The following CTNNA3 variants were observed in gnomAD, a reference collection of about 807,000 sequenced individuals.
The protein encoded by CTNNA3 is catenin alpha-3.
CTNNA3 carries 76 observed loss-of-function variants against 95.7 expected under a neutral mutation model. The observed-to-expected ratio is 0.79, with a 90% CI of 0.66 to 0.96. The LOEUF (loss-of-function observed/expected upper bound fraction) is 0.96. Ranked by LOEUF, CTNNA3 falls within the 40% of genes least tolerant of loss-of-function variation. The pLI is 0.00. For missense variants in CTNNA3, 1,191 were observed against 1,089.8 expected (o/e 1.09, Z -1.31); for synonymous variants, 431 against 374.4 (o/e 1.15, Z -1.74).
chr10:66,772,356 C>T (rs1301644598), intron 8 of CTNNA3, among the ~76,000 whole-genome samples: 2 of 144,780 alleles, frequency 1.4e-5, no homozygotes, highest in African/African-American at 2.6e-5. Flanking sequence ...ACCTGGGAGG[C>T]GGAGGTTGCA....
intron 5 of CTNNA3, among the ~76,000 whole-genome samples, chr10:67,521,075 T>G (rs1170807550): frequency 6.6e-6 from 1 of 152,208 alleles, no homozygotes; most frequent in Non-Finnish European, 1.5e-5. Flanking sequence ...CTGGCTGTTC[T>G]GATCGGAATA....
intron 9 of CTNNA3, among the ~76,000 whole-genome samples, chr10:66,683,853 G>A (rs1239341298): frequency 6.6e-6 from 1 of 152,018 alleles, no homozygotes; most frequent in Non-Finnish European, 1.5e-5. Flanking sequence ...GGGGGATGTA[G>A]GATACCCCAA....
intron 11 of CTNNA3, among the ~76,000 whole-genome samples, chr10:66,487,987 T>C (rs1336704334): frequency 2.0e-5 from 3 of 152,164 alleles, no homozygotes; most frequent in African/African-American, 7.2e-5. Flanking sequence ...TTTGTGTATA[T>C]GGGTAGAAAA....
At chr10:66,411,310 G>C (rs1008248240) in intron 11 of CTNNA3, among the ~76,000 whole-genome samples, 7 of 151,920 alleles carry the variant, frequency 4.6e-5, no homozygotes, top group Admixed American at 1.3e-4. Context: ...TTATCTAAAT[G>C]CTTACTGTAA....
At chr10:66,613,264 C>A (rs535903052) in intron 10 of CTNNA3, among the ~76,000 whole-genome samples, 47 of 152,164 alleles carry the variant, frequency 3.1e-4, no homozygotes, top group African/African-American at 1.1e-3. Flanking sequence ...GTTTCTTCTG[C>A]CAGGACACAC....
At chr10:65,942,101 C>T (rs929765975) in intron 17 of CTNNA3, among the ~76,000 whole-genome samples, 1 of 152,150 alleles carries the variant, frequency 6.6e-6, no homozygotes, top group Non-Finnish European at 1.5e-5. Context: ...CAGAGAAGAA[C>T]TCTATACTTA....
At chr10:66,796,315 G>C (rs543882118) in intron 7 of CTNNA3, among the ~76,000 whole-genome samples, 1 of 152,008 alleles carries the variant, frequency 6.6e-6, no homozygotes, top group Non-Finnish European at 1.5e-5. Context: ...GTATTTCTGT[G>C]TCTCAGGGAA....
intron 10 of CTNNA3, among the ~76,000 whole-genome samples, chr10:66,597,472 T>C (rs1843747761): frequency 7.7e-6 from 1 of 130,008 alleles, no homozygotes; most frequent in Admixed American, 8.3e-5. Flanking sequence ...AGCCCAGGAG[T>C]TAAAGGTCAG....
chr10:66,692,142 G>C (rs1323095464), intron 9 of CTNNA3, among the ~76,000 whole-genome samples: 1 of 152,126 alleles, frequency 6.6e-6, no homozygotes, highest in Non-Finnish European at 1.5e-5. Flanking sequence ...AGAGAAGAAG[G>C]CTTCAGATGA....
At chr10:67,636,202 T>C (rs1368697762) in intron 2 of CTNNA3, among the ~76,000 whole-genome samples, 1 of 152,190 alleles carries the variant, frequency 6.6e-6, no homozygotes, top group Non-Finnish European at 1.5e-5. Flanking sequence ...TCCATCCTCA[T>C]GGATAGGAAG....
intron 15 of CTNNA3, among the ~76,000 whole-genome samples, chr10:65,999,064 C>T (rs1478282793): frequency 6.6e-6 from 1 of 152,058 alleles, no homozygotes. Flanking sequence ...TCTGAATCTG[C>T]TGACAAAGAT....
chr10:65,963,910 C>T (rs1232631999), intron 17 of CTNNA3, among the ~76,000 whole-genome samples: 1 of 152,154 alleles, frequency 6.6e-6, no homozygotes, highest in African/African-American at 2.4e-5. Context: ...TAAACCTTCA[C>T]ACCTCAGACC....
chr10:67,653,933 G>A (rs1032329820), intron 1 of CTNNA3, among the ~76,000 whole-genome samples: 4 of 152,194 alleles, frequency 2.6e-5, no homozygotes, highest in Admixed American at 2.6e-4. Context: ...TGGCCTCTTC[G>A]TGGAATCCAT....
At chr10:66,581,291 A>T (rs577657103) in intron 10 of CTNNA3, among the ~76,000 whole-genome samples, 11 of 151,824 alleles carry the variant, frequency 7.2e-5, no homozygotes, top group African/African-American at 2.4e-4. Context: ...CAAATGGTAG[A>T]TCTACTTTTA....
chr10:66,493,597 G>GTTTTTTTT (rs1589329310), intron 11 of CTNNA3, among the ~76,000 whole-genome samples: 17 of 119,538 alleles, frequency 1.4e-4, no homozygotes, highest in African/African-American at 7.2e-4. Flanking sequence ...TTTAACTACA[G>GTTTTTTTT]TATTTTTTTT....
At position 67,566,474 on chromosome 10, in the gene CTNNA3, C is replaced by T. The variant is rs561953240; in HGVS notation, c.293-26805G>A. 2.0e-5 allele frequency among the ~76,000 whole-genome samples: 3 copies of T among 152,118 alleles called. No homozygotes were observed. The South Asian group carries it at 6.2e-4, about 32-fold the overall frequency. ...TGCAAATCAAAACCACAATGAGGTACCATCTCACACCAGTTAGAATGGCGA... is the reference window on the plus strand; with the variant it reads ...TGCAAATCAAAACCACAATGAGGTATCATCTCACACCAGTTAGAATGGCGA... On this transcript the variant is annotated intron_variant, in intron 3 of 17. Transcript: ENST00000433211.
chr10:66,250,159 G>A (rs912227582), intron 13 of CTNNA3, among the ~76,000 whole-genome samples: 1 of 152,106 alleles, frequency 6.6e-6, no homozygotes, highest in African/African-American at 2.4e-5. Flanking sequence ...AAAGAAATGA[G>A]TCAGGAATAG....
At chr10:66,017,678 G>T (rs1564580837) in intron 15 of CTNNA3, among the ~76,000 whole-genome samples, 1 of 152,010 alleles carries the variant, frequency 6.6e-6, no homozygotes, top group Non-Finnish European at 1.5e-5. Context: ...ATTTAGGATG[G>T]ATCATCCTAA....
intron 7 of CTNNA3, among the ~76,000 whole-genome samples, chr10:67,128,461 T>A (rs895702082): frequency 1.3e-5 from 2 of 152,004 alleles, no homozygotes; most frequent in Non-Finnish European, 2.9e-5. Context: ...AGAATAACCA[T>A]GAAATATTCT....
Sources: allele counts gnomAD v4.1 joint callset (sites outside exome capture counted in the v4.1 genomes callset), GRCh38; gene constraint gnomAD v4.1.1; transcripts MANE v1.5; gene names NCBI Gene and HGNC (gene_info 2026-07-23, HGNC 2026-07-21).